Variants in CCDC40 observed in about 807,000 individuals in gnomAD.
CCDC40 encodes coiled-coil domain 40 molecular ruler complex subunit, also known as coiled-coil domain-containing protein 40.
In CCDC40, 104 loss-of-function variants were observed where a neutral mutation model predicts 124.5. The ratio of observed to expected loss-of-function variants is 0.84; its 90% CI spans 0.71 to 0.98. The LOEUF is 0.98. CCDC40 is among the 50% of genes least tolerant of loss of function. CCDC40 has a pLI of 0.00. For synonymous variants in CCDC40, 580 were observed against 602.9 expected (o/e 0.96, Z 0.56); for missense variants, 1,463 against 1,503.9 (o/e 0.97, Z 0.45).
At chr17:80,064,398 G>A (rs112533809) in intron 9 of CCDC40, among the ~76,000 whole-genome samples, 3 of 151,970 alleles carry the variant, frequency 2.0e-5, no homozygotes, top group Admixed American at 1.3e-4. Context: ...TTGCATTGGG[G>A]ATGACTCATC....
At chr17:80,061,633 C>G (rs1389146632) in intron 9 of CCDC40, among the ~76,000 whole-genome samples, 1 of 152,314 alleles carries the variant, frequency 6.6e-6, no homozygotes, top group South Asian at 2.1e-4. Flanking sequence ...CCCGCACTTC[C>G]TTCATTTCTC....
Position 80,047,206 on chromosome 17 carries a change from A to C in CCDC40, c.553-73A>C, listed in dbSNP as rs558467061. 8.1e-5 allele frequency: 122 copies of C among 1,503,060 alleles called. No homozygotes were observed. In the South Asian group the frequency reaches 1.3e-3, roughly 16 times the overall value. The allele number at this position is 1,503,060 out of a possible 1,614,324, so 93.1% of individuals were successfully genotyped here. On this transcript the variant is annotated intron_variant, in intron 3 of 19. Transcript: ENST00000397545. Reference sequence around the variant, plus strand: ...GAGTCTGACAACTTTCACAAATGTAATGAGTTAAAATTGAATAACTTCTCA... The same window carrying C: ...GAGTCTGACAACTTTCACAAATGTACTGAGTTAAAATTGAATAACTTCTCA...
chr17:80,050,696 G>A (rs993939021), intron 7 of CCDC40, among the ~76,000 whole-genome samples: 2 of 152,150 alleles, frequency 1.3e-5, no homozygotes, highest in Non-Finnish European at 2.9e-5. Context: ...CGCCTGCCTC[G>A]GCCTCCCAAA....
At position 80,066,179 on chromosome 17, in the gene CCDC40, C is replaced by CGT. The variant is rs1568692115; in HGVS notation, c.1562+576_1562+577dup. 1.4e-6 allele frequency: 1 copy of CGT among 702,930 alleles called. No homozygotes were observed. Among genetic ancestry groups the CGT allele is most frequent in the South Asian group, 1.5e-5 (1 of 67,594 alleles). 43.5% of individuals were successfully genotyped at this position (702,930 alleles called of 1,614,324 possible). On this transcript the variant is annotated intron_variant, in intron 10 of 19. Transcript: ENST00000397545. The surrounding 1 kb of genome is among the most constrained non-coding windows in gnomAD (Gnocchi z 4.4). ...GAAAAAGCCGGGCACTGTGGTGGCA[C>CGT]GTGTCTCACCCGCTGAGCTTTAACT...
intron 16 of CCDC40, among the ~76,000 whole-genome samples, chr17:80,089,149 G>A (rs935053403): frequency 6.6e-6 from 1 of 152,146 alleles, no homozygotes; most frequent in African/African-American, 2.4e-5. Flanking sequence ...TACACAAATG[G>A]GATTGTTTCA....
chr17:80,099,690 G>A lies in CCDC40; in HGVS notation c.3344G>A (p.Arg1115Gln), dbSNP rs771414681. Residue 1115 changes from arginine to glutamine, a missense_variant, in exon 20 of 20, where the codon CGG becomes CAG. Physicochemically the swap from Arg to Gln is conservative, Grantham distance 43 (BLOSUM62 1). Coordinates refer to ENST00000397545, the MANE Select transcript of CCDC40 (RefSeq NM_017950.4). ...ALIATILDRV[R>Q]DEYPQFQEAL... ...ATCGCCACCATCCTGGACCGCGTGC[G>A]GGACGAGTACCCCCAGTTCCAGGAG... is the stretch of plus-strand genomic sequence containing the variant. 1.7e-5 allele frequency: 28 copies of A among 1,613,744 alleles called. No individual in the cohort carries two copies. The highest frequency in any genetic ancestry group is 1.7e-4 in the Admixed American group (10 of 60,004).
chr17:80,070,205 T>C (rs1049057049), intron 10 of CCDC40, among the ~76,000 whole-genome samples: 3 of 152,132 alleles, frequency 2.0e-5, no homozygotes, highest in Non-Finnish European at 4.4e-5. Flanking sequence ...GGCAGGTGGG[T>C]CCCAGTCACC....
intron 10 of CCDC40, among the ~76,000 whole-genome samples, chr17:80,081,060 A>T (rs555551749): frequency 1.1e-4 from 16 of 152,288 alleles, no homozygotes; most frequent in Admixed American, 8.5e-4. Flanking sequence ...ATCCATAAAA[A>T]TTTTTTAAAG....
At position 80,048,593 on chromosome 17, in the gene CCDC40, A is replaced by G; in HGVS notation, c.687A>G (p.Pro229=). ...TGTCTCTCCCCCCAGTGATCCCCCC[A>G]GGGGTGCCCGATGCCCACCCCAGGG... ...EFVSQEPVIP[P]GVPDAHPREG... The change falls in exon 5 of 20, where the codon CCA becomes CCG. Residue 229 remains proline (P), a synonymous_variant. Coordinates refer to ENST00000397545, the MANE Select transcript of CCDC40 (RefSeq NM_017950.4). 1 of 1,612,730 alleles carries G rather than the reference A, an allele frequency of 6.2e-7. No homozygotes were observed.
intron 19 of CCDC40, chr17:80,097,900 A>AAAAAG (rs138469377): frequency 0.067 from 10,909 of 162,374 alleles, 578 homozygotes; most frequent in Admixed American, 0.15. Flanking sequence ...ATCCTGTCTC[A>AAAAAG]AAAAGAAAAG....
At chr17:80,060,228 C>T (rs1024724828) in intron 9 of CCDC40, among the ~76,000 whole-genome samples, 12 of 151,882 alleles carry the variant, frequency 7.9e-5, no homozygotes, top group East Asian at 1.9e-4. Context: ...CTAGCATCGC[C>T]GCACCAAATA....
chr17:80,038,507 G>A (rs926469683), intron 2 of CCDC40, among the ~76,000 whole-genome samples: 9 of 148,450 alleles, frequency 6.1e-5, no homozygotes, highest in African/African-American at 2.2e-4. Context: ...CTCCAGCCTG[G>A]GTGACCAGTG....
rs367978204 is a variant in CCDC40, at chr17:80,047,333, C to T, written c.607C>T (p.Arg203Cys). ...GGTGCTCCCAATGGGCGTCCAGCACCGCTTCCGGCTGAGCCACGGGAGCGA... is the reference window on the plus strand; with the variant it reads ...GGTGCTCCCAATGGGCGTCCAGCACTGCTTCCGGCTGAGCCACGGGAGCGA... Reference protein sequence around the residue: ...GQVLPMGVQHRFRLSHGSDIE... With the variant: ...GQVLPMGVQHCFRLSHGSDIE... The change falls in exon 4 of 20, where the codon CGC (arginine) becomes TGC (cysteine). Residue 203 changes from arginine (R) to cysteine (C), a missense_variant. Coordinates refer to ENST00000397545, the MANE Select transcript of CCDC40 (RefSeq NM_017950.4). The T allele has an allele frequency of 1.2e-5, 20 of 1,613,756 alleles. No homozygotes were observed. Among genetic ancestry groups the T allele is most frequent in the Middle Eastern group, 3.3e-4 (2 of 6,076 alleles).
intron 7 of CCDC40, among the ~76,000 whole-genome samples, chr17:80,057,599 G>A (rs568921282): frequency 1.3e-5 from 2 of 152,132 alleles, no homozygotes; most frequent in South Asian, 4.2e-4. Flanking sequence ...TCTCATGGCC[G>A]GGCGCGGTGG....
At chr17:80,094,585 C>CAGGTA (rs2038774847) in intron 17 of CCDC40, among the ~76,000 whole-genome samples, 2 of 152,184 alleles carry the variant, frequency 1.3e-5, no homozygotes, top group Non-Finnish European at 2.9e-5. Flanking sequence ...ATCCTAGCTA[C>CAGGTA]TCAGGAGGCT....
chr17:80,056,006 A>AT (rs1323101032), intron 7 of CCDC40, among the ~76,000 whole-genome samples: 14 of 9,122 alleles, frequency 1.5e-3, no homozygotes, highest in Non-Finnish European at 2.7e-3. Context: ...ATATATATAT[A>AT]TATATATATA....
Position 80,077,699 on chromosome 17 carries a change from G to A in CCDC40, c.1563-3847G>A, listed in dbSNP as rs193259468. ...GCCATTAGCAAATGTGTGGTGCATCGCCTTGCGGTCTGAGCCTGCGTGTCC... is the reference window on the plus strand; with the variant it reads ...GCCATTAGCAAATGTGTGGTGCATCACCTTGCGGTCTGAGCCTGCGTGTCC... On this transcript the variant is annotated intron_variant, in intron 10 of 19. Coordinates refer to ENST00000397545, the MANE Select transcript of CCDC40 (RefSeq NM_017950.4). Among the ~76,000 whole-genome samples, 10 of 152,242 alleles carry A rather than the reference G, an allele frequency of 6.6e-5. No individual in the cohort carries two copies. In the East Asian group the frequency reaches 1.2e-3, roughly 18 times the overall value.
At chr17:80,064,441 C>A (rs772610807) in intron 9 of CCDC40, among the ~76,000 whole-genome samples, 4 of 152,104 alleles carry the variant, frequency 2.6e-5, no homozygotes, top group Non-Finnish European at 5.9e-5. Context: ...AACAAGACCG[C>A]GATCCAGGCC....
chr17:80,055,995 TATA>T (rs1568682500), intron 7 of CCDC40, among the ~76,000 whole-genome samples: 2 of 10,758 alleles, frequency 1.9e-4, no homozygotes, highest in African/African-American at 4.1e-4. Flanking sequence ...TATATATATA[TATA>T]TATATATATA....
Sources: gnomAD v4.1 joint callset for allele counts (sites outside exome capture counted in the v4.1 genomes callset) on GRCh38, gnomAD v4.1.1 for gene constraint, Gnocchi (gnomAD v3.1) non-coding constraint, MANE v1.5 for transcripts, NCBI Gene and HGNC (gene_info 2026-07-23, HGNC 2026-07-21) for gene names.